Variants in TMEFF2 observed in about 807,000 individuals in gnomAD.
TMEFF2 encodes the protein transmembrane protein with EGF like and two follistatin like domains 2, also known as tomoregulin-2.
TMEFF2 carries 28 observed loss-of-function variants against 53.8 expected under a neutral mutation model. The ratio of observed to expected loss-of-function variants is 0.52; its 90% confidence interval spans 0.39 to 0.71. The LOEUF (loss-of-function observed/expected upper bound fraction) is 0.71, where lower values mean the gene tolerates loss of function less well. Ranked by LOEUF, TMEFF2 falls within the 30% of genes least tolerant of loss-of-function variation. The pLI, the probability that TMEFF2 is intolerant of heterozygous loss-of-function variation, is 0.00. For synonymous variants in TMEFF2, 162 were observed against 166.3 expected (o/e 0.97, Z 0.20); for missense variants, 353 against 455.2 (o/e 0.78, Z 2.04).
At chr2:192,158,108 A>C (rs1690548498) in intron 4 of TMEFF2, among the ~76,000 whole-genome samples, 1 of 152,110 alleles carries the variant, frequency 6.6e-6, no homozygotes, top group African/African-American at 2.4e-5. Context: ...GCAGATGATC[A>C]AGCAGGGGCA....
intron 4 of TMEFF2, among the ~76,000 whole-genome samples, chr2:192,087,189 G>A (rs983997478): frequency 6.6e-6 from 1 of 151,874 alleles, no homozygotes; most frequent in Non-Finnish European, 1.5e-5. Context: ...TCAGAAAAAC[G>A]ATAGAGTAAT....
chr2:191,985,739 T>A (rs1685961009), intron 7 of TMEFF2, among the ~76,000 whole-genome samples: 1 of 152,248 alleles, frequency 6.6e-6, no homozygotes, highest in East Asian at 1.9e-4. Flanking sequence ...AAAGTCTTGC[T>A]CGTTTATCAT....
chr2:192,003,930 G>GT (rs372617008), intron 5 of TMEFF2, among the ~76,000 whole-genome samples: 60,968 of 121,092 alleles, frequency 0.5, 15,570 homozygotes, highest in East Asian at 0.66. Flanking sequence ...TGTGTGTGTG[G>GT]GGGGGGGGCT....
intron 4 of TMEFF2, among the ~76,000 whole-genome samples, chr2:192,124,084 T>A (rs1689621496): frequency 6.6e-6 from 1 of 152,216 alleles, no homozygotes; most frequent in Non-Finnish European, 1.5e-5. Context: ...CTTCTCTTAA[T>A]GCACCTTTCA....
chr2:192,009,509 G>T (rs1686577038), intron 5 of TMEFF2, among the ~76,000 whole-genome samples: 1 of 151,900 alleles, frequency 6.6e-6, no homozygotes, highest in African/African-American at 2.4e-5. Context: ...AATCATGCTG[G>T]TATTAACTCT....
At chr2:192,005,132 A>G (rs957452145) in intron 5 of TMEFF2, among the ~76,000 whole-genome samples, 1 of 152,192 alleles carries the variant, frequency 6.6e-6, no homozygotes, top group Non-Finnish European at 1.5e-5. Context: ...TTGACTGAAA[A>G]CCTTAGCTCT....
rs60273464 is a variant in TMEFF2, at chr2:192,193,753, T to TAGAGAGAG, written c.172+599_172+600insCTCTCTCT. Among the ~76,000 whole-genome samples the TAGAGAGAG allele has an allele frequency of 1.2e-3, 149 of 122,744 alleles. 16 individuals carry two copies. Among genetic ancestry groups the TAGAGAGAG allele is most frequent in the Middle Eastern group, 4.2e-3 (1 of 238 alleles). The allele number at this position is 122,744 out of a possible 152,430, so 80.5% of individuals were successfully genotyped here. A position where few individuals can be genotyped will look rare whatever the true frequency, so the allele number is the denominator to read the frequency against. ...GAAGGGAATGAGAGAGAGAGAGAGA[T>TAGAGAGAG]AGATAGATAGAGAGAGAGAGAGAGA... On this transcript the variant is annotated intron_variant, in intron 1 of 9. Coordinates refer to ENST00000272771, the MANE Select transcript of TMEFF2 (RefSeq NM_016192.4).
At chr2:192,168,084 C>T (rs1690814781) in intron 4 of TMEFF2, among the ~76,000 whole-genome samples, 1 of 152,018 alleles carries the variant, frequency 6.6e-6, no homozygotes, top group African/African-American at 2.4e-5. Flanking sequence ...TCTAGAATCC[C>T]CATGGCATCA....
intron 7 of TMEFF2, among the ~76,000 whole-genome samples, chr2:191,981,279 A>G (rs147326166): frequency 1.2e-3 from 178 of 152,244 alleles, no homozygotes; most frequent in Middle Eastern, 3.4e-3. Flanking sequence ...TTCCCTGGGC[A>G]TTCCCACTCA....
chr2:192,051,319 C>T (rs549398757), intron 5 of TMEFF2, among the ~76,000 whole-genome samples: 15 of 150,290 alleles, frequency 1.0e-4, no homozygotes, highest in Non-Finnish European at 1.6e-4. Context: ...GGCCAGAAAG[C>T]AAAGGAAATT....
intron 3 of TMEFF2, among the ~76,000 whole-genome samples, chr2:192,183,431 C>T (rs1242201296): frequency 6.6e-6 from 1 of 152,010 alleles, no homozygotes; most frequent in Admixed American, 6.6e-5. Flanking sequence ...AATAAATAGA[C>T]TTTTCATGAC....
chr2:191,997,993 G>A (rs1435130373), intron 7 of TMEFF2, among the ~76,000 whole-genome samples: 2 of 151,784 alleles, frequency 1.3e-5, no homozygotes, highest in Non-Finnish European at 2.9e-5. Flanking sequence ...TAAATGTTTT[G>A]TTATTTGTAC....
chr2:192,031,721 A>G (rs1266636732), intron 5 of TMEFF2: 2 of 152,190 alleles, frequency 1.3e-5, no homozygotes, highest in African/African-American at 2.4e-5. Flanking sequence ...TAAAACACCA[A>G]AATGAGCCCT....
intron 5 of TMEFF2, among the ~76,000 whole-genome samples, chr2:192,018,020 T>A (rs1033620051): frequency 5.3e-5 from 8 of 152,160 alleles, no homozygotes; most frequent in African/African-American, 1.7e-4. Context: ...CACTGTTACC[T>A]CAGGTGACAA....
chr2:192,109,683 G>A lies in TMEFF2; in HGVS notation c.440-51908C>T, dbSNP rs117460647. Among the ~76,000 whole-genome samples the A allele has an allele frequency of 1.4e-4, 22 of 152,148 alleles. 1 individual carries two copies. The East Asian group carries it at 3.9e-3, about 27-fold the overall frequency. On this transcript the variant is annotated intron_variant, in intron 4 of 9. Coordinates refer to ENST00000272771, the MANE Select transcript of TMEFF2 (RefSeq NM_016192.4). ...GGGGCAAATATTGAAACAACCATTT[G>A]TTTTCTGACTTAAAAAATTGAATTG...
chr2:192,165,273 G>A (rs2356952), intron 4 of TMEFF2, among the ~76,000 whole-genome samples: 96,341 of 151,964 alleles, frequency 0.63, 31,123 homozygotes, highest in Non-Finnish European at 0.7. Context: ...GAGCCTGGGT[G>A]TAAATCCTGG....
At chr2:191,964,273 TTTCTTTTC>T (rs1403739277) in intron 7 of TMEFF2, among the ~76,000 whole-genome samples, 1 of 147,444 alleles carries the variant, frequency 6.8e-6, no homozygotes, top group East Asian at 2.0e-4. Context: ...TCTTTTCTTT[TTTCTTTTC>T]CTTTTCCTTC....
rs534963439 is a variant in TMEFF2, at chr2:192,097,622, C to T, written c.440-39847G>A. On this transcript the variant is annotated intron_variant, in intron 4 of 9. Transcript: ENST00000272771. ...TTAATTACAATTTTCAATTCATTCT[C>T]CTGTTTATGCGATATAGCAGGAATA... is the stretch of plus-strand genomic sequence containing the variant. 2.0e-5 allele frequency among the ~76,000 whole-genome samples: 3 copies of T among 152,272 alleles called. No individual in the cohort carries two copies. In the South Asian group the frequency reaches 6.2e-4, roughly 32 times the overall value.
At chr2:192,103,514 T>C (rs779942961) in intron 4 of TMEFF2, among the ~76,000 whole-genome samples, 10 of 152,150 alleles carry the variant, frequency 6.6e-5, no homozygotes, top group Non-Finnish European at 1.3e-4. Flanking sequence ...CAACTAGGAC[T>C]TGGATCTAGC....
Sources: gnomAD v4.1 joint callset for allele counts (sites outside exome capture counted in the v4.1 genomes callset) on GRCh38, gnomAD v4.1.1 for gene constraint, MANE v1.5 for transcripts, NCBI Gene and HGNC (gene_info 2026-07-23, HGNC 2026-07-21) for gene names.